Variants in ADK observed in about 807,000 individuals in gnomAD.
ADK encodes the protein N6,N6-dimethyladenosine kinase.
In ADK, 24 loss-of-function variants were observed where a neutral mutation model predicts 44.7. The observed-to-expected ratio is 0.54, with a 90% confidence interval of 0.39 to 0.76. The LOEUF (loss-of-function observed/expected upper bound fraction) is 0.76, where lower values mean the gene tolerates loss of function less well. Ranked by LOEUF, ADK falls within the 30% of genes least tolerant of loss-of-function variation. The pLI is 0.00. For missense variants in ADK, 321 were observed against 425.1 expected (o/e 0.76, Z 2.15); for synonymous variants, 128 against 142.6 (o/e 0.90, Z 0.73).
intron 10 of ADK, among the ~76,000 whole-genome samples, chr10:74,681,367 G>A (rs1855592376): frequency 6.6e-6 from 1 of 152,096 alleles, no homozygotes; most frequent in Admixed American, 6.5e-5. Flanking sequence ...TTTATTTGGT[G>A]GCTCATGATG....
chr10:74,340,214 AG>A (rs1456107237), intron 4 of ADK, among the ~76,000 whole-genome samples: 7 of 152,184 alleles, frequency 4.6e-5, no homozygotes, highest in Non-Finnish European at 8.8e-5. Flanking sequence ...TCAGAAAAAT[AG>A]TATTTTGGAT....
At chr10:74,200,303 G>T (rs1281995476) in intron 1 of ADK, among the ~76,000 whole-genome samples, 1 of 151,372 alleles carries the variant, frequency 6.6e-6, no homozygotes, top group African/African-American at 2.4e-5. Context: ...GGCCAACATG[G>T]TGAAACCCCA....
intron 6 of ADK, among the ~76,000 whole-genome samples, chr10:74,485,006 A>G (rs1030486824): frequency 2.0e-5 from 3 of 152,188 alleles, no homozygotes; most frequent in Non-Finnish European, 2.9e-5. Flanking sequence ...AGCAGGACAC[A>G]AAAGCATAAA....
At chr10:74,622,985 C>A (rs1478321987) in intron 9 of ADK, among the ~76,000 whole-genome samples, 2 of 152,112 alleles carry the variant, frequency 1.3e-5, no homozygotes, top group East Asian at 3.8e-4. Flanking sequence ...CTAGCCTGGA[C>A]AACAAGAGTG....
intron 8 of ADK, among the ~76,000 whole-genome samples, chr10:74,595,567 G>A (rs1255586143): frequency 6.7e-6 from 1 of 150,248 alleles, no homozygotes; most frequent in Non-Finnish European, 1.5e-5. Flanking sequence ...TAGTAGAGAC[G>A]GGGTTTCACT....
intron 3 of ADK, among the ~76,000 whole-genome samples, chr10:74,310,252 A>G (rs1840389978): frequency 6.6e-6 from 1 of 152,196 alleles, no homozygotes; most frequent in Non-Finnish European, 1.5e-5. Flanking sequence ...CATGTAAGGA[A>G]AATATATAGA....
intron 7 of ADK, among the ~76,000 whole-genome samples, chr10:74,569,455 T>C (rs1346190456): frequency 6.6e-6 from 1 of 152,238 alleles, no homozygotes; most frequent in Admixed American, 6.5e-5. Context: ...CCTGACTTTT[T>C]AATGATCGCC....
chr10:74,323,494 G>A (rs2131827746), intron 4 of ADK, among the ~76,000 whole-genome samples: 1 of 152,056 alleles, frequency 6.6e-6, no homozygotes, highest in African/African-American at 2.4e-5. Context: ...GTATAATCTT[G>A]TGGCTTTTAG....
At chr10:74,284,043 C>T (rs970926786) in intron 3 of ADK, among the ~76,000 whole-genome samples, 5 of 152,010 alleles carry the variant, frequency 3.3e-5, no homozygotes, top group African/African-American at 4.8e-5. Context: ...ACTGCAACCT[C>T]CGCCTCCTGC....
chr10:74,427,244 G>C (rs1251774847), intron 6 of ADK, among the ~76,000 whole-genome samples: 1 of 152,056 alleles, frequency 6.6e-6, no homozygotes, highest in Non-Finnish European at 1.5e-5. Flanking sequence ...TGTCGCCCAG[G>C]TTGGAGTGCA....
intron 9 of ADK, among the ~76,000 whole-genome samples, chr10:74,622,481 A>G (rs2134032318): frequency 6.6e-6 from 1 of 152,290 alleles, no homozygotes; most frequent in South Asian, 2.1e-4. Context: ...TTGGTTTACT[A>G]CAAGCTATGG....
chr10:74,376,654 G>A (rs753281747), intron 4 of ADK, among the ~76,000 whole-genome samples: 3 of 151,898 alleles, frequency 2.0e-5, no homozygotes, highest in Non-Finnish European at 4.4e-5. Context: ...ATTTAGATTT[G>A]CATTTCATAA....
intron 7 of ADK, among the ~76,000 whole-genome samples, chr10:74,586,482 AT>A (rs1311003026): frequency 6.6e-6 from 1 of 152,184 alleles, no homozygotes; most frequent in African/African-American, 2.4e-5. Flanking sequence ...TTAAAAGATA[AT>A]GATTTGACAT....
intron 6 of ADK, among the ~76,000 whole-genome samples, chr10:74,470,672 A>G (rs1177327283): frequency 4.4e-5 from 5 of 112,734 alleles, no homozygotes; most frequent in Non-Finnish European, 1.0e-4. Context: ...AGTTCCTTAT[A>G]TATTCTGAAT....
intron 6 of ADK, among the ~76,000 whole-genome samples, chr10:74,443,003 G>T (rs1410048799): frequency 6.6e-6 from 1 of 152,138 alleles, no homozygotes; most frequent in Non-Finnish European, 1.5e-5. Context: ...GTTGGGGGAG[G>T]GAAGAAGGGT....
chr10:74,707,189 A>T (rs1856633385), intron 10 of ADK, among the ~76,000 whole-genome samples: 1 of 151,970 alleles, frequency 6.6e-6, no homozygotes, highest in Non-Finnish European at 1.5e-5. Flanking sequence ...GCATGCACCA[A>T]CATGCATGGC....
chr10:74,197,663 A>T (rs1843209265), intron 1 of ADK, among the ~76,000 whole-genome samples: 1 of 149,208 alleles, frequency 6.7e-6, no homozygotes, highest in South Asian at 2.1e-4. Flanking sequence ...ATGCCATTGC[A>T]CTCCAGCCTG....
At chr10:74,161,073 C>T (rs1020387799) in intron 1 of ADK, among the ~76,000 whole-genome samples, 2 of 152,152 alleles carry the variant, frequency 1.3e-5, no homozygotes, top group East Asian at 3.8e-4. Flanking sequence ...TTGCAATGTA[C>T]AGTATGTGCA....
intron 6 of ADK, among the ~76,000 whole-genome samples, chr10:74,510,047 G>C (rs183805889): frequency 4.6e-5 from 7 of 152,208 alleles, no homozygotes; most frequent in Admixed American, 4.6e-4. Flanking sequence ...ATAAGCATAG[G>C]GGTACACATG....
Sources: gnomAD v4.1 joint callset for allele counts (sites outside exome capture counted in the v4.1 genomes callset) on GRCh38, gnomAD v4.1.1 for gene constraint, MANE v1.5 for transcripts, NCBI Gene and HGNC (gene_info 2026-07-23, HGNC 2026-07-21) for gene names.